PARP4: variants seen among roughly 807,000 people sequenced by gnomAD.
PARP4 encodes poly(ADP-ribose) polymerase family member 4, also known as protein mono-ADP-ribosyltransferase PARP4.
Under a neutral mutation model 187.7 loss-of-function variants are expected in PARP4, and 120 were observed. The observed-to-expected ratio is 0.64, with a 90% CI of 0.55 to 0.74. PARP4 has a LOEUF of 0.74. PARP4 is among the 30% of genes least tolerant of loss of function. The pLI is 0.00. For synonymous variants in PARP4, 654 were observed against 740.9 expected, an observed-to-expected ratio of 0.88 and a Z score of 1.90; for missense variants, 1,836 against 2,070.5, an observed-to-expected ratio of 0.89 and a Z score of 2.20.
intron 6 of PARP4, 42 bp from the exon 7 acceptor site, chr13:24,494,764 C>T (rs1387324091): frequency 1.4e-6 from 2 of 1,399,592 alleles, no homozygotes; most frequent in Admixed American, 2.1e-5. Flanking sequence ...TCATTATTTA[C>T]ATATCTAGCT....
chr13:24,434,911 C>CT lies in PARP4; in HGVS notation c.4229dup (p.Ser1411ValfsTer21), dbSNP rs1425114310. ...CTCCAGGATGTTGCAGTGGAGCAGA[C>CT]TGTGCAGAGCTTAATGAGCTCCCTG... is the stretch of plus-strand genomic sequence containing the variant. On this transcript the variant is annotated frameshift_variant, in exon 31 of 34. Transcript: ENST00000381989. LOFTEE classifies it high-confidence loss of function. The CT allele has an allele frequency of 6.2e-7, 1 of 1,614,100 alleles. No individual in the cohort carries two copies. Among genetic ancestry groups the CT allele is most frequent in the Admixed American group, 1.7e-5 (1 of 60,016 alleles).
At chr13:24,467,656 T>C (rs1872539084) in intron 17 of PARP4, among the ~76,000 whole-genome samples, 1 of 152,190 alleles carries the variant, frequency 6.6e-6, no homozygotes, top group Non-Finnish European at 1.5e-5. Flanking sequence ...TATGAGAACA[T>C]TATAGTCACA....
chr13:24,429,551 T>C (rs1870228613), intron 32 of PARP4, among the ~76,000 whole-genome samples: 1 of 152,222 alleles, frequency 6.6e-6, no homozygotes, highest in African/African-American at 2.4e-5. Context: ...TCCTGGGGTA[T>C]AGTCCTTGAT....
At chr13:24,475,774 T>G (rs1872953069) in intron 14 of PARP4, among the ~76,000 whole-genome samples, 178 bp from the exon 15 acceptor site, 1 of 146,398 alleles carries the variant, frequency 6.8e-6, no homozygotes, top group South Asian at 2.3e-4. Flanking sequence ...ATGAGAAAAA[T>G]GAGAGGTGCC....
rs748025130 is a variant in PARP4 at position 24,435,241 on chromosome 13, T to C, written c.3900A>G (p.Pro1300=). The C allele has an allele frequency of 5.6e-6, 9 of 1,613,874 alleles. No individual in the cohort carries two copies. The East Asian group carries it at 1.3e-4, about 24-fold the overall frequency. ...CCCATGGACTGACTTTCTTAAATAG[T>C]GGTTCAGTTGCTGTTGGTTTACATG... ...TESCKPTATE[P]LFKKVSPWET... Residue 1300 remains proline (P), a synonymous_variant, in exon 31 of 34, where the codon CCA becomes CCG. Transcript: ENST00000381989.
intron 25 of PARP4, among the ~76,000 whole-genome samples, chr13:24,449,184 C>G (rs527564528): frequency 1.6e-3 from 242 of 152,134 alleles, no homozygotes; most frequent in African/African-American, 5.6e-3. Context: ...GTCAGGAGAT[C>G]AAGACCATCC....
intron 1 of PARP4, among the ~76,000 whole-genome samples, chr13:24,509,673 T>G (rs1302755815): frequency 1.3e-5 from 2 of 152,030 alleles, no homozygotes; most frequent in Admixed American, 1.3e-4. Context: ...ACCTGATCCC[T>G]CCATCCAGAA....
intron 6 of PARP4, among the ~76,000 whole-genome samples, chr13:24,496,817 G>A (rs1364634884): frequency 1.3e-5 from 2 of 152,188 alleles, no homozygotes; most frequent in Admixed American, 6.5e-5. Context: ...GAGGTCAGGA[G>A]TTCGAGACCA....
chr13:24,464,948 GA>G (rs894951599), intron 17 of PARP4, among the ~76,000 whole-genome samples: 2 of 149,316 alleles, frequency 1.3e-5, no homozygotes, highest in South Asian at 2.1e-4. Context: ...AAATTTACAA[GA>G]AAAAAAAACC....
In PARP4 at chr13:24,478,110, CAG is replaced by C; in HGVS notation, c.1613_1614del (p.Ser538CysfsTer6). ...AAAAATACCTCAAAGTCTGTGGTGA[CAG>C]AGGCTGTTTGCGAAACTCCATGCAC... ...DSVHGVSQTA[S>X]VTTDFEDDEF... On this transcript the variant is annotated frameshift_variant, in exon 13 of 34. Transcript: ENST00000381989. LOFTEE classifies it high-confidence loss of function. The C allele has an allele frequency of 6.2e-7, 1 of 1,604,296 alleles. No homozygotes were observed. The highest frequency in any genetic ancestry group is 1.1e-5 in the South Asian group (1 of 89,340).
chr13:24,428,600 G>A (rs542474061), intron 32 of PARP4, among the ~76,000 whole-genome samples: 1 of 152,218 alleles, frequency 6.6e-6, no homozygotes, highest in South Asian at 2.1e-4. Flanking sequence ...TCCCACCTCA[G>A]CCTCCTAAGT....
chr13:24,446,689 T>C lies in PARP4; in HGVS notation c.3358A>G (p.Thr1120Ala), dbSNP rs763060466. 4.4e-6 allele frequency: 7 copies of C among 1,576,224 alleles called. No individual in the cohort carries two copies. In the African/African-American group the frequency reaches 8.1e-5, roughly 18 times the overall value. ...TAGGTTTTGAATCTTACAGTTCCAG[T>C]TGTCTTCTGAAGCTCAGTAGTCGAC... ...MVSTTELQKT[T>A]GTMIHKLAAR... Residue 1120 changes from threonine to alanine, a missense_variant, in exon 27 of 34, where the codon ACT (threonine) becomes GCT (alanine). By Grantham distance (58) the Thr-to-Ala change is moderately conservative. This residue lies in a region of PARP4 where 56 missense variants were observed against 56.6 expected (regional missense o/e 0.99). Transcript: ENST00000381989.
rs901530080 is a variant in PARP4, at chr13:24,478,033, A to T, written c.1632+60T>A. 3.0e-6 allele frequency: 4 copies of T among 1,342,274 alleles called. No homozygotes were observed. The African/African-American group carries it at 5.9e-5, about 20-fold the overall frequency. 83.1% of individuals were successfully genotyped at this position (1,342,274 alleles called of 1,614,324 possible). A position where few individuals can be genotyped will look rare whatever the true frequency, so the allele number is the denominator to read the frequency against. On this transcript the variant is annotated intron_variant, in intron 13 of 33. Coordinates refer to ENST00000381989, the MANE Select transcript of PARP4 (RefSeq NM_006437.4). ...TATTTAATGAAAATAGGAGCAAAAA[A>T]CTAAGGCCTTTCTTTGAGCATTCAA...
chr13:24,470,279 T>TGACTTAGCA (rs1315226543), intron 15 of PARP4, among the ~76,000 whole-genome samples: 1 of 152,212 alleles, frequency 6.6e-6, no homozygotes, highest in Non-Finnish European at 1.5e-5. Flanking sequence ...TTACCAACAC[T>TGACTTAGCA]GACTTAGCAG....
intron 32 of PARP4, among the ~76,000 whole-genome samples, chr13:24,428,540 G>C (rs1870174908): frequency 6.6e-6 from 1 of 152,172 alleles, no homozygotes; most frequent in Non-Finnish European, 1.5e-5. Context: ...GAGTGCAGTG[G>C]CACAATCACT....
chr13:24,482,903 C>A (rs1442627754), intron 12 of PARP4, among the ~76,000 whole-genome samples: 3 of 152,200 alleles, frequency 2.0e-5, no homozygotes, highest in African/African-American at 7.2e-5. Context: ...CCACTTGTTT[C>A]AACTGAAGGA....
chr13:24,457,710 G>A (rs934097433), intron 20 of PARP4, among the ~76,000 whole-genome samples: 3 of 145,064 alleles, frequency 2.1e-5, no homozygotes, highest in African/African-American at 7.9e-5. Context: ...GGTGGAGTTT[G>A]CAGTGGGCCA....
At chr13:24,468,072 T>C (rs9634401) in intron 17 of PARP4, among the ~76,000 whole-genome samples, 77,292 of 151,886 alleles carry the variant, frequency 0.51, 19,988 homozygotes, top group South Asian at 0.65. Context: ...ACCATGGCCA[T>C]GTGTCACCCT....
At chr13:24,477,390 T>C (rs1311925142) in intron 14 of PARP4, among the ~76,000 whole-genome samples, 2 of 151,912 alleles carry the variant, frequency 1.3e-5, no homozygotes, top group Non-Finnish European at 2.9e-5. Flanking sequence ...ACCCAGGAGT[T>C]TGAGGCTGCA....
Sources: allele counts gnomAD v4.1 joint callset (sites outside exome capture counted in the v4.1 genomes callset), GRCh38; gene constraint gnomAD v4.1.1; regional missense constraint gnomAD v4.1.1; transcripts MANE v1.5; gene names NCBI Gene and HGNC (gene_info 2026-07-23, HGNC 2026-07-21).